The following KANK1 variants were observed in gnomAD, a reference collection of about 807,000 sequenced individuals.
The protein encoded by KANK1 is KN motif and ankyrin repeat domain-containing protein 1.
KANK1 carries 109 observed loss-of-function variants against 106.2 expected under a neutral mutation model. The ratio of observed to expected loss-of-function variants is 1.03; its 90% CI spans 0.88 to 1.20. KANK1 has a LOEUF of 1.20. KANK1 is among the 50% of genes most tolerant of loss of function. The pLI, the probability that KANK1 is intolerant of heterozygous loss-of-function variation, is 0.00. For missense variants in KANK1, 2,399 were observed against 1,710.7 expected (o/e 1.40, Z -7.10); for synonymous variants, 873 against 652.2 (o/e 1.34, Z -5.16).
In KANK1 at chr9:745,401, G is replaced by C. The variant is rs1340865086; in HGVS notation, c.*166G>C. The C allele has an allele frequency of 2.6e-6, 2 of 776,696 alleles. No homozygotes were observed. Among genetic ancestry groups the C allele is most frequent in the African/African-American group, 3.5e-5 (2 of 57,532 alleles). The allele number at this position is 776,696 out of a possible 1,614,324, so 48.1% of individuals were successfully genotyped here. A position where few individuals can be genotyped will look rare whatever the true frequency, so the allele number is the denominator to read the frequency against. On this transcript the variant is annotated 3_prime_UTR_variant, in exon 12 of 12. Transcript: ENST00000382297. ...AGCTTTCACAGTGCAGAGACTGCTA[G>C]CCTGGGCACACACACCTCCTTTCTG... is the stretch of plus-strand genomic sequence containing the variant.
intron 7 of KANK1, among the ~76,000 whole-genome samples, chr9:736,679 G>C (rs1041801109): frequency 6.0e-5 from 9 of 149,544 alleles, no homozygotes; most frequent in African/African-American, 2.2e-4. Context: ...CAGCCTGGGA[G>C]ACAGAGTGAC....
intron 1 of KANK1, among the ~76,000 whole-genome samples, chr9:587,610 C>T (rs1230469383): frequency 6.6e-6 from 1 of 152,104 alleles, no homozygotes; most frequent in Non-Finnish European, 1.5e-5. Flanking sequence ...AGAATATGTG[C>T]ATGTGTTGTT....
chr9:690,373 A>C (rs1199564652), intron 2 of KANK1, among the ~76,000 whole-genome samples: 1 of 152,096 alleles, frequency 6.6e-6, no homozygotes, highest in South Asian at 2.1e-4. Flanking sequence ...TTCAGTACCA[A>C]AATAGTATGC....
chr9:723,194 C>T (rs762478135), intron 3 of KANK1, among the ~76,000 whole-genome samples: 7 of 152,066 alleles, frequency 4.6e-5, no homozygotes, highest in South Asian at 2.1e-4. Context: ...GTAAAGTTCC[C>T]GCAGGCAAGA....
intron 3 of KANK1, among the ~76,000 whole-genome samples, chr9:474,022 A>C (rs2058064287): frequency 6.6e-6 from 1 of 152,160 alleles, no homozygotes; most frequent in Non-Finnish European, 1.5e-5. Flanking sequence ...CATTAGACTC[A>C]GCCAGAGTTA....
intron 1 of KANK1, among the ~76,000 whole-genome samples, chr9:578,236 C>T (rs868539840): frequency 1.4e-4 from 21 of 152,196 alleles, no homozygotes; most frequent in Non-Finnish European, 2.8e-4. Flanking sequence ...TTGCTTCAAA[C>T]AAAGTAGGAA....
At chr9:622,747 C>T (rs1348884280) in intron 1 of KANK1, among the ~76,000 whole-genome samples, 1 of 151,766 alleles carries the variant, frequency 6.6e-6, no homozygotes, top group Non-Finnish European at 1.5e-5. Context: ...ACTAAAAATA[C>T]AAAAAATGAG....
chr9:505,287 G>A (rs935488552), intron 1 of KANK1, among the ~76,000 whole-genome samples: 1 of 152,184 alleles, frequency 6.6e-6, no homozygotes, highest in Non-Finnish European at 1.5e-5. Context: ...CAGAGGGGCA[G>A]GTGGCCTCGG....
At chr9:721,489 A>G (rs1169583879) in intron 3 of KANK1, among the ~76,000 whole-genome samples, 1 of 152,246 alleles carries the variant, frequency 6.6e-6, no homozygotes, top group Non-Finnish European at 1.5e-5. Context: ...CAAGCATAAT[A>G]AGACTAAAAC....
At chr9:491,375 C>T (rs972504844) in intron 3 of KANK1, among the ~76,000 whole-genome samples, 1 of 151,766 alleles carries the variant, frequency 6.6e-6, no homozygotes. Flanking sequence ...TCAAGCAATT[C>T]TCCTGCCTCA....
At chr9:553,709 A>G (rs558538399) in intron 1 of KANK1, among the ~76,000 whole-genome samples, 1 of 152,362 alleles carries the variant, frequency 6.6e-6, no homozygotes, top group East Asian at 1.9e-4. Context: ...TCAGTTTCAT[A>G]TTAGTCACCC....
In KANK1 at chr9:604,539, A is replaced by T. The variant is rs145708326; in HGVS notation, c.-83-72351A>T. Among the ~76,000 whole-genome samples the T allele has an allele frequency of 2.9e-3, 441 of 151,914 alleles. 22 individuals are homozygous for T. Among genetic ancestry groups the T allele is most frequent in the African/African-American group, 0.011 (439 of 41,224 alleles). On this transcript the variant is annotated intron_variant, in intron 1 of 11. Transcript: ENST00000382297. ...CTCCCCTTGGCCTTCCACCGTGATT[A>T]TAAGTTTCCTGGCCGGGTGCAGTGG...
chr9:700,021 G>A (rs571256884), intron 2 of KANK1, among the ~76,000 whole-genome samples: 1 of 152,118 alleles, frequency 6.6e-6, no homozygotes, highest in Non-Finnish European at 1.5e-5. Flanking sequence ...ACCTACCTAC[G>A]TATAACCTGA....
chr9:636,252 A>G (rs1332936141), intron 1 of KANK1, among the ~76,000 whole-genome samples: 1 of 151,998 alleles, frequency 6.6e-6, no homozygotes, highest in Non-Finnish European at 1.5e-5. Flanking sequence ...TATATGCAGA[A>G]CTCTCCTGGC....
At chr9:697,247 G>A (rs1489138379) in intron 2 of KANK1, among the ~76,000 whole-genome samples, 1 of 152,130 alleles carries the variant, frequency 6.6e-6, no homozygotes, top group African/African-American at 2.4e-5. Flanking sequence ...GCAGGGTCCA[G>A]GCCATGCCTT....
rs889439799 is a variant in KANK1 at position 523,548 on chromosome 9, G to A, written c.-84+18794G>A. ...GCTCCTTGTTTCTATGGGAGGAAAAGTTTTTACAGTGAACTCCATGGCTGT... is the reference window on the plus strand; with the variant it reads ...GCTCCTTGTTTCTATGGGAGGAAAAATTTTTACAGTGAACTCCATGGCTGT... On this transcript the variant is annotated intron_variant, in intron 1 of 11. Coordinates refer to ENST00000382297, the MANE Select transcript of KANK1 (RefSeq NM_015158.5). Among the ~76,000 whole-genome samples, 59 of 151,700 alleles carry A rather than the reference G, an allele frequency of 3.9e-4. 1 individual carries two copies. The highest frequency in any genetic ancestry group is 5.9e-5 in the Non-Finnish European group (4 of 68,030).
chr9:636,682 A>G (rs903395423), intron 1 of KANK1, among the ~76,000 whole-genome samples: 1 of 152,224 alleles, frequency 6.6e-6, no homozygotes, highest in Admixed American at 6.5e-5. Flanking sequence ...TCTGGCCAAC[A>G]TAATGAAACC....
intron 1 of KANK1, among the ~76,000 whole-genome samples, chr9:618,678 A>T (rs1270741589): frequency 6.6e-6 from 1 of 152,162 alleles, no homozygotes; most frequent in Admixed American, 6.5e-5. Flanking sequence ...TTATTTTTTT[A>T]AATGATGATG....
At chr9:516,454 T>G (rs1440189435) in intron 1 of KANK1, among the ~76,000 whole-genome samples, 1 of 151,682 alleles carries the variant, frequency 6.6e-6, no homozygotes, top group Non-Finnish European at 1.5e-5. Context: ...TTATTTTTCC[T>G]TTTTTGAAGT....
Sources: gnomAD v4.1 joint callset for allele counts (sites outside exome capture counted in the v4.1 genomes callset) on GRCh38, gnomAD v4.1.1 for gene constraint, MANE v1.5 for transcripts, NCBI Gene and HGNC (gene_info 2026-07-23, HGNC 2026-07-21) for gene names.